The following EXTL3 variants were observed in gnomAD, a reference collection of about 807,000 sequenced individuals.
EXTL3 encodes exostosin like glycosyltransferase 3.
In EXTL3, 27 loss-of-function variants were observed where a neutral mutation model predicts 69.3. The ratio of observed to expected loss-of-function variants is 0.39; its 90% CI spans 0.29 to 0.54. The LOEUF (loss-of-function observed/expected upper bound fraction) is 0.54. Among genes scored for constraint, EXTL3 ranks in the 20% least tolerant of loss-of-function variants. EXTL3 has a pLI of 0.69. For missense variants in EXTL3, 1,003 were observed against 1,231.8 expected, an observed-to-expected ratio of 0.81 and a Z score of 2.78; for synonymous variants, 511 against 499.4, an observed-to-expected ratio of 1.02 and a Z score of -0.31.
At chr8:28,638,902 A>G (rs1407763125) in intron 1 of EXTL3, among the ~76,000 whole-genome samples, 1 of 150,778 alleles carries the variant, frequency 6.6e-6, no homozygotes, top group African/African-American at 2.5e-5. Context: ...AAATACTGGG[A>G]TTACAGGTGT....
intron 1 of EXTL3, among the ~76,000 whole-genome samples, chr8:28,633,074 C>G (rs537881413): frequency 2.0e-5 from 3 of 152,268 alleles, no homozygotes; most frequent in Admixed American, 2.0e-4. Flanking sequence ...TGTTGTGGCT[C>G]ACACTTGTAA....
chr8:28,750,588 C>A lies in EXTL3; in HGVS notation c.2551-69C>A. 7.9e-7 allele frequency: 1 copy of A among 1,265,950 alleles called. No individual in the cohort carries two copies. Among genetic ancestry groups the A allele is most frequent in the Non-Finnish European group, 1.2e-6 (1 of 868,124 alleles). The allele number at this position is 1,265,950 out of a possible 1,614,324, so 78.4% of individuals were successfully genotyped here. A position where few individuals can be genotyped will look rare whatever the true frequency, so the allele number is the denominator to read the frequency against. On this transcript the variant is annotated intron_variant, in intron 6 of 6. Transcript: ENST00000220562. The surrounding 1 kb of genome is among the most constrained non-coding windows in gnomAD (Gnocchi z 5.2). ...CACCATGGACATGGGAGTGTGGGAT[C>A]GGCTCAGCTGCAAGGGTTCTGTCAG...
Position 28,750,782 on chromosome 8 carries a change from C to T in EXTL3, c.2676C>T (p.Leu892=). Residue 892 remains leucine, a synonymous_variant, in exon 7 of 7, where the codon CTC becomes CTT. Coordinates refer to ENST00000220562, the MANE Select transcript of EXTL3 (RefSeq NM_001440.4). The surrounding 1 kb of genome is among the most constrained non-coding windows in gnomAD (Gnocchi z 5.2). The part of the protein sequence containing the change: ...FFVKVYGYMP[L]LYTQFRVDSV... Reference sequence around the variant, plus strand: ...TGAAGGTGTACGGCTACATGCCCCTCCTGTACACGCAGTTCAGGGTGGATT... The same window carrying T: ...TGAAGGTGTACGGCTACATGCCCCTTCTGTACACGCAGTTCAGGGTGGATT... The T allele has an allele frequency of 1.2e-6, 2 of 1,614,192 alleles. No individual in the cohort carries two copies. Among genetic ancestry groups the T allele is most frequent in the South Asian group, 1.1e-5 (1 of 91,082 alleles).
chr8:28,735,467 G>A (rs542481900), intron 4 of EXTL3, among the ~76,000 whole-genome samples: 1 of 152,216 alleles, frequency 6.6e-6, no homozygotes, highest in Non-Finnish European at 1.5e-5. Context: ...TGCAGGTGGT[G>A]AGAGAATAAT....
intron 1 of EXTL3, among the ~76,000 whole-genome samples, chr8:28,654,389 C>CT (rs1325828769): frequency 1.3e-5 from 2 of 151,976 alleles, no homozygotes; most frequent in African/African-American, 2.4e-5. Context: ...TTTTGTTTTG[C>CT]TTTTTTAAAG....
intron 2 of EXTL3, among the ~76,000 whole-genome samples, chr8:28,609,979 G>A (rs1324582252): frequency 6.6e-6 from 1 of 151,222 alleles, no homozygotes; most frequent in African/African-American, 2.4e-5. Flanking sequence ...CAAAGCAGGT[G>A]GATCACCTGC....
intron 3 of EXTL3, 93 bp from the exon 4 acceptor site, chr8:28,731,130 T>A (rs1801529194): frequency 6.6e-7 from 1 of 1,523,158 alleles, no homozygotes. Flanking sequence ...ATTCAGTAAA[T>A]CCAGCCATGG....
intron 1 of EXTL3, among the ~76,000 whole-genome samples, chr8:28,661,983 A>G (rs1807124018): frequency 6.6e-6 from 1 of 150,932 alleles, no homozygotes; most frequent in South Asian, 2.1e-4. Context: ...GTATAAATAT[A>G]TAATACAATA....
chr8:28,614,132 G>T (rs1307021929), intron 2 of EXTL3, among the ~76,000 whole-genome samples: 1 of 151,774 alleles, frequency 6.6e-6, no homozygotes, highest in Non-Finnish European at 1.5e-5. Context: ...ACCCAGTCAG[G>T]TTTATCAATT....
chr8:28,739,248 TTCTCCCTTACATA>T (rs543479573), intron 5 of EXTL3, among the ~76,000 whole-genome samples: 2 of 152,206 alleles, frequency 1.3e-5, no homozygotes, highest in Non-Finnish European at 2.9e-5. Context: ...TTGAAGTCTT[TTCTCCCTTACATA>T]TCTCCCATCT....
chr8:28,647,826 C>A (rs1806857589), intron 1 of EXTL3, among the ~76,000 whole-genome samples: 1 of 151,612 alleles, frequency 6.6e-6, no homozygotes, highest in South Asian at 2.1e-4. Flanking sequence ...TAGAATGTTT[C>A]TTTGAATCAA....
intron 1 of EXTL3, among the ~76,000 whole-genome samples, chr8:28,695,576 C>T (rs1402198950): frequency 2.6e-5 from 4 of 152,172 alleles, no homozygotes; most frequent in African/African-American, 9.7e-5. Flanking sequence ...TTCTGCAGAC[C>T]AGCTTTCTGA....
intron 1 of EXTL3, among the ~76,000 whole-genome samples, chr8:28,669,167 T>C (rs1248529177): frequency 3.3e-5 from 5 of 152,298 alleles, no homozygotes; most frequent in South Asian, 4.1e-4. Context: ...CCTGGCCTGA[T>C]AGAAGCAAAT....
chr8:28,615,365 T>C (rs1806318367), intron 2 of EXTL3, among the ~76,000 whole-genome samples: 1 of 152,176 alleles, frequency 6.6e-6, no homozygotes, highest in Non-Finnish European at 1.5e-5. Context: ...CCAATAATAA[T>C]AGTGAATTCA....
intron 1 of EXTL3, among the ~76,000 whole-genome samples, chr8:28,638,405 A>G (rs1422435262): frequency 6.6e-6 from 1 of 152,172 alleles, no homozygotes; most frequent in East Asian, 1.9e-4. Context: ...GATCTGTGAT[A>G]TCTGGCCCAG....
At chr8:28,668,270 A>AG (rs1450865950) in intron 1 of EXTL3, among the ~76,000 whole-genome samples, 1 of 147,374 alleles carries the variant, frequency 6.8e-6, no homozygotes, top group Non-Finnish European at 1.5e-5. Context: ...AAAAAAAAAA[A>AG]AAAAAGAAAA....
In EXTL3 at chr8:28,717,958, G is replaced by T; in HGVS notation, c.1899G>T (p.Gly633=). ...CAGAGGCCAAATTCTTGGGCTCAGG[G>T]ACTGGCTTTCGGCCTATTGGTGGTG... ...LPSEAKFLGS[G]TGFRPIGGGA... Residue 633 remains glycine (G), a synonymous_variant, in exon 3 of 7, where the codon GGG becomes GGT. Transcript: ENST00000220562. This position sits in a 1 kb window ranked among gnomAD's most constrained non-coding sequence, Gnocchi z 8.3. 1 of 1,614,206 alleles carries T rather than the reference G, an allele frequency of 6.2e-7. No individual in the cohort carries two copies. Among genetic ancestry groups the T allele is most frequent in the Non-Finnish European group, 8.5e-7 (1 of 1,180,042 alleles).
chr8:28,648,096 C>T (rs1806863831), intron 1 of EXTL3, among the ~76,000 whole-genome samples: 2 of 152,058 alleles, frequency 1.3e-5, no homozygotes, highest in South Asian at 2.1e-4. Flanking sequence ...ATGGATTGGT[C>T]CAGCACCTTT....
intron 1 of EXTL3, among the ~76,000 whole-genome samples, chr8:28,689,423 T>C (rs1343060297): frequency 6.6e-6 from 1 of 152,200 alleles, no homozygotes; most frequent in Non-Finnish European, 1.5e-5. Context: ...AGTCCCCATG[T>C]TTTTGGATTT....
Sources: gnomAD v4.1 joint callset for allele counts (sites outside exome capture counted in the v4.1 genomes callset) on GRCh38, gnomAD v4.1.1 for gene constraint, Gnocchi (gnomAD v3.1) non-coding constraint, MANE v1.5 for transcripts, NCBI Gene and HGNC (gene_info 2026-07-23, HGNC 2026-07-21) for gene names.